The following CCDC50 variants were observed in gnomAD, a reference collection of about 807,000 sequenced individuals.
The protein encoded by CCDC50 is coiled-coil domain-containing protein 50.
A neutral mutation model predicts 70.2 loss-of-function variants in CCDC50; 54 were observed. The observed-to-expected ratio is 0.77, with a 90% CI of 0.62 to 0.96. CCDC50 has a LOEUF of 0.96. Among genes scored for constraint, CCDC50 ranks in the 50% least tolerant of loss-of-function variants. The probability of loss-of-function intolerance (pLI) is 0.00; values close to 1 mark genes in which losing one functional copy is unlikely to be tolerated. For synonymous variants in CCDC50, 216 were observed against 198.8 expected (o/e 1.09, Z -0.73); for missense variants, 558 against 578.7 (o/e 0.96, Z 0.37).
intron 10 of CCDC50, among the ~76,000 whole-genome samples, chr3:191,383,981 G>T (rs1713407484): frequency 6.6e-6 from 1 of 151,852 alleles, no homozygotes; most frequent in African/African-American, 2.4e-5. Flanking sequence ...TCATCTTTAG[G>T]CTTAATTCTG....
chr3:191,385,847 GCCAGTTTTCCCAGCA>G (rs1713475552), intron 10 of CCDC50, among the ~76,000 whole-genome samples: 1 of 152,022 alleles, frequency 6.6e-6, no homozygotes, highest in South Asian at 2.1e-4. Context: ...CATATGGTCA[GCCAGTTTTCCCAGCA>G]CCATTTTTTG....
At chr3:191,338,163 C>T (rs1202549374) in intron 1 of CCDC50, among the ~76,000 whole-genome samples, 1 of 152,194 alleles carries the variant, frequency 6.6e-6, no homozygotes, top group East Asian at 1.9e-4. Flanking sequence ...CACCGCTTCC[C>T]CATCAGCAAC....
intron 5 of CCDC50, 77 bp from the exon 6 acceptor site, chr3:191,374,985 C>G: frequency 7.0e-7 from 1 of 1,435,920 alleles, no homozygotes; most frequent in Non-Finnish European, 9.7e-7. Flanking sequence ...CCCAGACTCC[C>G]CCCTGTGTAG....
Position 191,361,076 on chromosome 3 carries a change from C to G in CCDC50, c.247C>G (p.Gln83Glu). 6.2e-7 allele frequency: 1 copy of G among 1,612,840 alleles called. No individual in the cohort carries two copies. Among genetic ancestry groups the G allele is most frequent in the Non-Finnish European group, 8.5e-7 (1 of 1,178,998 alleles). Residue 83 changes from glutamine (Q) to glutamate (E), a missense_variant, in exon 4 of 12, where the codon CAA becomes GAA. Gln to Glu is a conservative substitution (Grantham distance 29, BLOSUM62 2). Coordinates refer to ENST00000392455, the MANE Select transcript of CCDC50 (RefSeq NM_178335.3). The part of the protein sequence containing the change: ...LQKRYKDLEQ[Q>E]DCEIAQEIQE... ...TTCACCTTTGCTTTTTAGTGAACAA[C>G]AAGACTGTGAAATTGCTCAGGAAAT...
At chr3:191,367,675 G>T (rs1432731322) in intron 4 of CCDC50, among the ~76,000 whole-genome samples, 2 of 151,864 alleles carry the variant, frequency 1.3e-5, no homozygotes, top group East Asian at 3.9e-4. Context: ...GGTCTGTGGA[G>T]CATAGTTTAT....
intron 4 of CCDC50, among the ~76,000 whole-genome samples, chr3:191,366,167 A>G (rs930569547): frequency 2.0e-5 from 3 of 152,124 alleles, no homozygotes; most frequent in Non-Finnish European, 4.4e-5. Context: ...TAATTGTTTT[A>G]CTAAAAGCAA....
At chr3:191,362,961 A>G (rs549744230) in intron 4 of CCDC50, among the ~76,000 whole-genome samples, 15 of 152,216 alleles carry the variant, frequency 9.9e-5, no homozygotes, top group African/African-American at 3.6e-4. Context: ...TGCTTTGGGG[A>G]TGACACTGGG....
At chr3:191,349,563 G>T (rs1351202012) in intron 1 of CCDC50, among the ~76,000 whole-genome samples, 1 of 141,252 alleles carries the variant, frequency 7.1e-6, no homozygotes, top group African/African-American at 2.5e-5. Flanking sequence ...CACTGTGAAA[G>T]AATCGGAAGG....
chr3:191,363,060 C>T (rs1411552325), intron 4 of CCDC50, among the ~76,000 whole-genome samples: 2 of 126,024 alleles, frequency 1.6e-5, no homozygotes, highest in Non-Finnish European at 3.2e-5. Context: ...ATAAATGCTA[C>T]TGCTGTCCTG....
Position 191,374,572 on chromosome 3 carries a change from C to G in CCDC50, c.449-490C>G, listed in dbSNP as rs1713027057. 5.9e-5 allele frequency among the ~76,000 whole-genome samples: 9 copies of G among 152,254 alleles called. No individual in the cohort carries two copies. In the South Asian group the frequency reaches 1.7e-3, roughly 28 times the overall value. ...ATATAAAAATCTGTGGATCATTCCT[C>G]TGAACTCAAGAGAAACTAGCAATAT... On this transcript the variant is annotated intron_variant, in intron 5 of 11. Coordinates refer to ENST00000392455, the MANE Select transcript of CCDC50 (RefSeq NM_178335.3).
chr3:191,374,475 T>A (rs530023300), intron 5 of CCDC50, among the ~76,000 whole-genome samples: 1 of 152,160 alleles, frequency 6.6e-6, no homozygotes, highest in African/African-American at 2.4e-5. Flanking sequence ...TATATTGAAC[T>A]GTAATAGAGG....
Position 191,340,524 on chromosome 3 carries a change from A to G in CCDC50, c.49+10801A>G, listed in dbSNP as rs796248692. Among the ~76,000 whole-genome samples, 22 of 152,308 alleles carry G rather than the reference A, an allele frequency of 1.4e-4. 1 individual carries two copies. The East Asian group carries it at 2.7e-3, about 19-fold the overall frequency. On this transcript the variant is annotated intron_variant, in intron 1 of 11. Coordinates refer to ENST00000392455, the MANE Select transcript of CCDC50 (RefSeq NM_178335.3). Reference sequence around the variant, plus strand: ...ATTTTGGCTGGCTACACTTCTACTCAACAGTTTTCCTTCATACCCTTCTTG... The same window carrying G: ...ATTTTGGCTGGCTACACTTCTACTCGACAGTTTTCCTTCATACCCTTCTTG...
chr3:191,341,572 C>T (rs558816342), intron 1 of CCDC50, among the ~76,000 whole-genome samples: 3 of 152,338 alleles, frequency 2.0e-5, no homozygotes, highest in Admixed American at 1.3e-4. Context: ...GCATCCTCCT[C>T]ACTGGAGTCT....
At chr3:191,333,492 T>G (rs1375595720) in intron 1 of CCDC50, among the ~76,000 whole-genome samples, 1 of 152,224 alleles carries the variant, frequency 6.6e-6, no homozygotes, top group African/African-American at 2.4e-5. Context: ...TATATCTGGC[T>G]ACACGGCAAA....
chr3:191,350,434 G>A (rs1408747112), intron 1 of CCDC50, among the ~76,000 whole-genome samples: 1 of 142,092 alleles, frequency 7.0e-6, no homozygotes, highest in African/African-American at 2.5e-5. Flanking sequence ...AACAGACACA[G>A]GTGAAAGAAA....
intron 1 of CCDC50, among the ~76,000 whole-genome samples, chr3:191,345,952 A>G (rs1711906130): frequency 6.6e-6 from 1 of 152,214 alleles, no homozygotes; most frequent in Non-Finnish European, 1.5e-5. Flanking sequence ...TTAAGTTGCC[A>G]CGTGATAACT....
At position 191,359,291 on chromosome 3, in the gene CCDC50, A is replaced by G. The variant is rs559474368; in HGVS notation, c.239+1167A>G. On this transcript the variant is annotated intron_variant, in intron 3 of 11. Transcript: ENST00000392455. Reference sequence around the variant, plus strand: ...ATTCTAGCCAGAAGGAGCAGCATGCATAAGGGCAGGAGGTAAGAGGACTTG... The same window carrying G: ...ATTCTAGCCAGAAGGAGCAGCATGCGTAAGGGCAGGAGGTAAGAGGACTTG... 6.6e-5 allele frequency among the ~76,000 whole-genome samples: 10 copies of G among 150,574 alleles called. No homozygotes were observed. In the South Asian group the frequency reaches 1.9e-3, roughly 28 times the overall value.
At chr3:191,386,242 T>TTTTTA (rs1713492263) in intron 10 of CCDC50, among the ~76,000 whole-genome samples, 1 of 127,028 alleles carries the variant, frequency 7.9e-6, no homozygotes, top group Non-Finnish European at 1.8e-5. Flanking sequence ...TTTTTTTTTT[T>TTTTTA]GAGACGGAGT....
chr3:191,346,920 G>A (rs1269253098), intron 1 of CCDC50, among the ~76,000 whole-genome samples: 2 of 98,280 alleles, frequency 2.0e-5, no homozygotes, highest in African/African-American at 6.3e-5. Context: ...AACAGTGACT[G>A]AAATTTAGAA....
Sources: allele counts gnomAD v4.1 joint callset (sites outside exome capture counted in the v4.1 genomes callset), GRCh38; gene constraint gnomAD v4.1.1; transcripts MANE v1.5; gene names NCBI Gene and HGNC (gene_info 2026-07-23, HGNC 2026-07-21).